The following DPP6 variants were observed in gnomAD, a reference collection of about 807,000 sequenced individuals.
DPP6 encodes the protein A-type potassium channel modulatory protein DPP6.
Under a neutral mutation model 122.6 loss-of-function variants are expected in DPP6, and 69 were observed. The ratio of observed to expected loss-of-function variants is 0.56; its 90% confidence interval spans 0.46 to 0.69. DPP6 has a LOEUF of 0.69. Among genes scored for constraint, DPP6 ranks in the 30% least tolerant of loss-of-function variants. The probability of loss-of-function intolerance (pLI) is 0.00; values close to 1 mark genes in which losing one functional copy is unlikely to be tolerated. For synonymous variants in DPP6, 418 were observed against 433.1 expected, an observed-to-expected ratio of 0.97 and a Z score of 0.43; for missense variants, 928 against 1,116.9, an observed-to-expected ratio of 0.83 and a Z score of 2.41.
At chr7:153,983,017 C>T (rs561633921) in intron 1 of DPP6, among the ~76,000 whole-genome samples, 35 of 152,296 alleles carry the variant, frequency 2.3e-4, no homozygotes, top group South Asian at 8.3e-4. Flanking sequence ...TCAGGAGGTA[C>T]GGGGGTGAGG....
rs1842718859 is a variant in DPP6, at chr7:154,739,457, G to A, written c.883+11570G>A. Among the ~76,000 whole-genome samples the A allele has an allele frequency of 1.3e-5, 2 of 152,186 alleles. 1 individual carries two copies. The highest frequency in any genetic ancestry group is 1.3e-4 in the Admixed American group (2 of 15,284). On this transcript the variant is annotated intron_variant, in intron 8 of 25. Transcript: ENST00000377770. ...ATCTGGTTGGGACACTGCTGTGGGG[G>A]AATGGGAGTATGGGAGAGGCATTGT...
chr7:153,782,686 T>G, the DPP6 span, among the ~76,000 whole-genome samples: 16 of 152,192 alleles, frequency 1.1e-4, no homozygotes, highest in Non-Finnish European at 2.1e-4. Context: ...TGTTAATATC[T>G]CTCTAGCATG....
chr7:153,918,476 T>A (rs1159390640), intron 1 of DPP6, among the ~76,000 whole-genome samples: 1 of 134,144 alleles, frequency 7.5e-6, no homozygotes, highest in African/African-American at 2.8e-5. Context: ...ACTCTCTCTC[T>A]CTCTCTCTCT....
At chr7:154,802,971 C>T (rs1036064392) in intron 13 of DPP6, among the ~76,000 whole-genome samples, 1 of 152,230 alleles carries the variant, frequency 6.6e-6, no homozygotes, top group African/African-American at 2.4e-5. Flanking sequence ...TCCTGCACTG[C>T]CCATGAGGCA....
chr7:153,816,684 A>G, the DPP6 span, among the ~76,000 whole-genome samples: 1 of 152,180 alleles, frequency 6.6e-6, no homozygotes, highest in African/African-American at 2.4e-5. Flanking sequence ...CAGAAGGAAG[A>G]CAGGATCACA....
chr7:154,341,329 C>T (rs1809912105), intron 1 of DPP6, among the ~76,000 whole-genome samples: 1 of 152,108 alleles, frequency 6.6e-6, no homozygotes, highest in Admixed American at 6.5e-5. Context: ...TCTGCGGTGG[C>T]TGTGGTCCAC....
intron 1 of DPP6, among the ~76,000 whole-genome samples, chr7:154,124,923 C>A (rs1486629835): frequency 1.3e-5 from 2 of 152,116 alleles, no homozygotes; most frequent in African/African-American, 2.4e-5. Flanking sequence ...AAATGAATGA[C>A]CACACCTAGG....
intron 1 of DPP6, among the ~76,000 whole-genome samples, chr7:154,395,222 C>CAGA (rs1186587079): frequency 6.6e-6 from 1 of 152,184 alleles, no homozygotes; most frequent in African/African-American, 2.4e-5. Flanking sequence ...TATCCGTGAA[C>CAGA]ATTCTGCCTT....
chr7:153,857,342 C>CTCTCTCTCTCTCTCTT, the DPP6 span, among the ~76,000 whole-genome samples: 1 of 151,358 alleles, frequency 6.6e-6, no homozygotes, highest in African/African-American at 2.4e-5. Context: ...CTCTCTCTCT[C>CTCTCTCTCTCTCTCTT]TCTCTCTCTC....
chr7:154,023,394 G>A lies in DPP6; in HGVS notation c.51+135660G>A, dbSNP rs1370963794. ...GTCTGCATTCCCCAAATAATAATAA[G>A]GGGCATGTTGCTCTATAACAATCAG... On this transcript the variant is annotated intron_variant, in intron 1 of 25. Transcript: ENST00000404039. Among the ~76,000 whole-genome samples, 7 of 147,154 alleles carry A rather than the reference G, an allele frequency of 4.8e-5. No homozygotes were observed. The South Asian group carries it at 1.3e-3, about 27-fold the overall frequency.
Position 154,210,652 on chromosome 7 carries a change from C to T in DPP6, c.243+157589C>T, listed in dbSNP as rs766700943. Among the ~76,000 whole-genome samples, 10 of 151,868 alleles carry T rather than the reference C, an allele frequency of 6.6e-5. No individual in the cohort carries two copies. In the South Asian group the frequency reaches 8.3e-4, roughly 13 times the overall value. On this transcript the variant is annotated intron_variant, in intron 1 of 25. Transcript: ENST00000377770. ...CACAGAAATTCGTTAATGAAGTGAC[C>T]GCCAGGCACCTGGACGAGCCCTGAG...
chr7:154,442,455 A>G (rs1472957556), intron 1 of DPP6, among the ~76,000 whole-genome samples: 3 of 152,154 alleles, frequency 2.0e-5, no homozygotes. Flanking sequence ...TTAGCTGATA[A>G]GTAAAGAATG....
chr7:153,952,242 G>T (rs927163326), intron 1 of DPP6, among the ~76,000 whole-genome samples: 2 of 152,146 alleles, frequency 1.3e-5, no homozygotes, highest in East Asian at 3.9e-4. Flanking sequence ...GATATCAAAA[G>T]CAATTTTCTA....
chr7:154,078,779 A>C (rs971464437), intron 1 of DPP6, among the ~76,000 whole-genome samples: 1 of 152,148 alleles, frequency 6.6e-6, no homozygotes, highest in Non-Finnish European at 1.5e-5. Flanking sequence ...GAATCAAGGA[A>C]AGCCACCTGG....
intron 1 of DPP6, among the ~76,000 whole-genome samples, chr7:153,960,469 C>A (rs1795292046): frequency 6.6e-6 from 1 of 152,010 alleles, no homozygotes; most frequent in Admixed American, 6.6e-5. Context: ...TGCTCTTCAC[C>A]TTCCTGCAAA....
At chr7:154,647,206 A>G (rs34537743) in intron 6 of DPP6, among the ~76,000 whole-genome samples, 22,499 of 152,138 alleles carry the variant, frequency 0.15, 1,958 homozygotes, top group African/African-American at 0.25. Context: ...GAGCCTCTGA[A>G]GAGGGAACCT....
At chr7:154,183,973 T>TGTCC (rs1798227377) in intron 1 of DPP6, among the ~76,000 whole-genome samples, 1 of 152,248 alleles carries the variant, frequency 6.6e-6, no homozygotes, top group African/African-American at 2.4e-5. Context: ...CTGAAATACC[T>TGTCC]GTCCATTCCC....
intron 3 of DPP6, among the ~76,000 whole-genome samples, chr7:154,492,732 CAGGCT>C (rs1824389147): frequency 6.6e-6 from 1 of 152,190 alleles, no homozygotes; most frequent in African/African-American, 2.4e-5. Flanking sequence ...GATATGACTT[CAGGCT>C]TGTCTGTCTC....
At chr7:154,575,123 GGTGT>G (rs1157834461) in intron 5 of DPP6, among the ~76,000 whole-genome samples, 8 of 142,906 alleles carry the variant, frequency 5.6e-5, no homozygotes, top group African/African-American at 2.1e-4. Context: ...GTGTGTGTGT[GGTGT>G]GTGTGTGGTA....
Sources: allele counts gnomAD v4.1 joint callset (sites outside exome capture counted in the v4.1 genomes callset), GRCh38; gene constraint gnomAD v4.1.1; transcripts MANE v1.5; gene names NCBI Gene and HGNC (gene_info 2026-07-23, HGNC 2026-07-21).